Variants in C9 observed in about 807,000 individuals in gnomAD.
C9 encodes complement component C9.
C9 carries 63 observed loss-of-function variants against 65.4 expected under a neutral mutation model. That is an observed-to-expected ratio of 0.96 (90% CI 0.79 to 1.19). C9 has a LOEUF of 1.19. Ranked by LOEUF, C9 falls within the 50% of genes most tolerant of loss-of-function variation. The pLI, the probability that C9 is intolerant of heterozygous loss-of-function variation, is 0.00. For synonymous variants in C9, 229 were observed against 227.9 expected (o/e 1.00, Z -0.04); for missense variants, 744 against 670.1 (o/e 1.11, Z -1.22).
intron 9 of C9, among the ~76,000 whole-genome samples, chr5:39,301,657 G>A (rs551777231): frequency 6.6e-6 from 1 of 152,104 alleles, no homozygotes; most frequent in South Asian, 2.1e-4. Context: ...TAATTTTGCT[G>A]TGTCTAAAAT....
At chr5:39,311,808 A>C (rs983952644) in intron 6 of C9, among the ~76,000 whole-genome samples, 3 of 152,348 alleles carry the variant, frequency 2.0e-5, no homozygotes, top group Admixed American at 1.3e-4. Flanking sequence ...ATCAATAAAC[A>C]ACCATAGCAT....
intron 4 of C9, among the ~76,000 whole-genome samples, chr5:39,334,028 C>G (rs1002852592): frequency 6.6e-6 from 1 of 152,056 alleles, no homozygotes; most frequent in Non-Finnish European, 1.5e-5. Context: ...TCTGCCCGGC[C>G]GCCACCCCGT....
intron 6 of C9, among the ~76,000 whole-genome samples, chr5:39,315,470 T>C (rs934717366): frequency 2.6e-5 from 4 of 152,178 alleles, no homozygotes; most frequent in Non-Finnish European, 4.4e-5. Flanking sequence ...AGTATAATTC[T>C]TCATTAAAAT....
chr5:39,305,326 T>C (rs536316447), intron 9 of C9, among the ~76,000 whole-genome samples: 26 of 152,114 alleles, frequency 1.7e-4, no homozygotes, highest in Non-Finnish European at 3.4e-4. Flanking sequence ...AAAGGGAGAA[T>C]AGATTATAAA....
Position 39,341,257 on chromosome 5 carries a change from T to C in C9, c.365A>G (p.Asp122Gly), listed in dbSNP as rs760614586. The C allele has an allele frequency of 1.2e-6, 2 of 1,614,196 alleles. No individual in the cohort carries two copies. The highest frequency in any genetic ancestry group is 2.2e-5 in the East Asian group (1 of 44,872). The stretch of plus-strand genomic sequence containing the variant: ...ATCTGAAAAGTCTCCGCAGTCATTG[T>C]CACCATTACACCGAAGTCGCATCTT... ...CIKMRLRCNG[D>G]NDCGDFSDED... The change falls in exon 4 of 11, where the codon GAC becomes GGC. Residue 122 changes from aspartate (D) to glycine (G), a missense_variant. Coordinates refer to ENST00000263408, the MANE Select transcript of C9 (RefSeq NM_001737.5).
intron 2 of C9, among the ~76,000 whole-genome samples, 158 bp downstream of exon 2, chr5:39,341,933 T>A (rs1002842002): frequency 3.9e-5 from 6 of 152,214 alleles, no homozygotes; most frequent in Non-Finnish European, 8.8e-5. Flanking sequence ...CATAAAGATT[T>A]CCTGGAAAAG....
At chr5:39,329,402 GGC>G in intron 5 of C9, among the ~76,000 whole-genome samples, 1 of 152,130 alleles carries the variant, frequency 6.6e-6, no homozygotes, top group African/African-American at 2.4e-5. Context: ...CCATGAGGTA[GGC>G]ATTATTATTT....
At chr5:39,321,613 A>G (rs1753668990) in intron 5 of C9, among the ~76,000 whole-genome samples, 1 of 151,974 alleles carries the variant, frequency 6.6e-6, no homozygotes. Flanking sequence ...CAAGAGATGC[A>G]GAGTAGCTAA....
chr5:39,294,297 A>G (rs1290674182), intron 9 of C9, among the ~76,000 whole-genome samples: 1 of 151,640 alleles, frequency 6.6e-6, no homozygotes, highest in African/African-American at 2.4e-5. Context: ...TTTTAAAAGA[A>G]AGACAAAATA....
chr5:39,345,603 A>G (rs1754176451), intron 1 of C9, among the ~76,000 whole-genome samples: 1 of 152,202 alleles, frequency 6.6e-6, no homozygotes, highest in Non-Finnish European at 1.5e-5. Context: ...TGTCAACATT[A>G]GACAGATCAG....
intron 5 of C9, among the ~76,000 whole-genome samples, chr5:39,325,255 T>C (rs1391440743): frequency 6.6e-6 from 1 of 152,206 alleles, no homozygotes; most frequent in East Asian, 1.9e-4. Flanking sequence ...GGCACCCCTC[T>C]GCCAGAACCA....
chr5:39,308,195 G>A (rs369931628), intron 8 of C9, 35 bp downstream of exon 8: 4 of 1,597,528 alleles, frequency 2.5e-6, no homozygotes, highest in Non-Finnish European at 3.4e-6. Flanking sequence ...CTACCCTCAG[G>A]CTTTATAAAA....
intron 4 of C9, among the ~76,000 whole-genome samples, chr5:39,339,122 C>T (rs1244546058): frequency 6.6e-6 from 1 of 152,102 alleles, no homozygotes; most frequent in Non-Finnish European, 1.5e-5. Flanking sequence ...AGAATCAGGA[C>T]CATTTGAGCA....
intron 5 of C9, among the ~76,000 whole-genome samples, chr5:39,320,867 T>C (rs1753655058): frequency 2.0e-5 from 3 of 152,066 alleles, no homozygotes; most frequent in Admixed American, 2.0e-4. Flanking sequence ...GAGAGTGAGA[T>C]GATATATTCA....
At chr5:39,332,858 G>T (rs1476855780) in intron 4 of C9, among the ~76,000 whole-genome samples, 1 of 152,162 alleles carries the variant, frequency 6.6e-6, no homozygotes, top group Non-Finnish European at 1.5e-5. Context: ...ACTGGTAGTG[G>T]GTTAGTTAAA....
intron 3 of C9, 107 bp from the exon 4 acceptor site, chr5:39,341,400 C>G: frequency 2.0e-6 from 3 of 1,468,092 alleles, no homozygotes; most frequent in Non-Finnish European, 2.9e-6. Context: ...ATCAGAAAAA[C>G]ACATTTGAGT....
At chr5:39,333,696 C>G (rs1434884184) in intron 4 of C9, among the ~76,000 whole-genome samples, 1 of 146,746 alleles carries the variant, frequency 6.8e-6, no homozygotes, top group Non-Finnish European at 1.5e-5. Context: ...CATCTTGGCT[C>G]ACTGCAGCCT....
At chr5:39,311,440 T>G in intron 6 of C9, 63 bp from the exon 7 acceptor site, 1 of 1,552,756 alleles carries the variant, frequency 6.4e-7, no homozygotes, top group East Asian at 2.2e-5. Flanking sequence ...AAATGAAAAT[T>G]TATGAAATTT....
chr5:39,320,688 C>G (rs1438955911), intron 5 of C9, among the ~76,000 whole-genome samples: 2 of 151,620 alleles, frequency 1.3e-5, no homozygotes, highest in Non-Finnish European at 2.9e-5. Flanking sequence ...CCCAAAGAAC[C>G]CCAAATAGAC....
Sources: allele counts gnomAD v4.1 joint callset (sites outside exome capture counted in the v4.1 genomes callset), GRCh38; gene constraint gnomAD v4.1.1; transcripts MANE v1.5; gene names NCBI Gene and HGNC (gene_info 2026-07-23, HGNC 2026-07-21).